The following RGN variants were observed in gnomAD, a reference collection of about 807,000 sequenced individuals.
RGN encodes the protein epididymis secretory protein Li 41.
RGN carries 19 observed loss-of-function variants against 20.6 expected under a neutral mutation model. The observed-to-expected ratio is 0.92, with a 90% CI of 0.64 to 1.35. RGN has a LOEUF of 1.35. Among genes scored for constraint, RGN ranks in the 40% most tolerant of loss-of-function variants. RGN has a pLI of 0.00. For missense variants in RGN, 302 were observed against 232.7 expected, an observed-to-expected ratio of 1.30 and a Z score of -1.94; for synonymous variants, 85 against 87.2, an observed-to-expected ratio of 0.97 and a Z score of 0.14.
chrX:47,086,738 A>G (rs1277298321), intron 4 of RGN, among the ~76,000 whole-genome samples: 1 of 38,038 alleles, frequency 2.6e-5, no homozygotes, highest in East Asian at 5.0e-4. Context: ...ATAACAGGAG[A>G]GAGAGAGAGA....
intron 3 of RGN, among the ~76,000 whole-genome samples, chrX:47,083,973 A>C (rs1292342419): frequency 9.0e-6 from 1 of 110,785 alleles, no homozygotes; most frequent in Non-Finnish European, 1.9e-5. Context: ...GAGATGTCAC[A>C]AAACCTAGTT....
intron 5 of RGN, among the ~76,000 whole-genome samples, chrX:47,090,702 A>G (rs1186156599): frequency 9.2e-6 from 1 of 108,537 alleles, no homozygotes; most frequent in Non-Finnish European, 1.9e-5. Flanking sequence ...TGCAGATTTA[A>G]TCAGAGGCAA....
chrX:47,088,946 AAGAAG>A lies in RGN; in HGVS notation c.347-828_347-824del, dbSNP rs1165891925. On this transcript the variant is annotated intron_variant, in intron 4 of 7. Coordinates refer to ENST00000397180, the MANE Select transcript of RGN (RefSeq NM_152869.4). Reference sequence around the variant, plus strand: ...AACACTCTGCCAAAAAAAAAAAAAAAAGAAGAAGAAGAAGAAGAAGATAGAAGAAG... The same window carrying A: ...AACACTCTGCCAAAAAAAAAAAAAAAAAGAAGAAGAAGAAGATAGAAGAAG... 3.7e-4 allele frequency among the ~76,000 whole-genome samples: 30 copies of A among 81,271 alleles called. 1 individual carries two copies. Among genetic ancestry groups the A allele is most frequent in the African/African-American group, 5.7e-4 (12 of 20,966 alleles). 70.6% of individuals were successfully genotyped at this position (81,271 alleles called of 115,157 possible).
chrX:47,090,928 GAAAGAAA>G (rs1930946538), intron 5 of RGN, among the ~76,000 whole-genome samples: 2 of 32,821 alleles, frequency 6.1e-5, no homozygotes, highest in African/African-American at 1.8e-4. Context: ...AAGAAAGAAA[GAAAGAAA>G]GAAAGAAAGA....
At chrX:47,083,472 G>C (rs5906324) in intron 3 of RGN, among the ~76,000 whole-genome samples, 46,519 of 110,633 alleles carry the variant, frequency 0.42, 7,859 homozygotes, top group East Asian at 0.73. Context: ...AACATAAAAT[G>C]TAGTAATATA....
intron 1 of RGN, among the ~76,000 whole-genome samples, chrX:47,079,215 C>T (rs1556380237): frequency 1.8e-5 from 2 of 110,028 alleles, no homozygotes; most frequent in African/African-American, 6.6e-5. Context: ...CCACCTCAGC[C>T]TCCCAAAGTG....
intron 5 of RGN, among the ~76,000 whole-genome samples, chrX:47,090,915 GGAAAGAAAGAAAGAAAGAAAGA>G (rs1930936210): frequency 3.9e-5 from 2 of 51,893 alleles, no homozygotes; most frequent in African/African-American, 1.9e-4. Context: ...GAAAGAAGAA[GGAAAGAAAGAAAGAAAGAAAGA>G]AAGAAAGAAA....
rs112603094 is a variant in RGN, at chrX:47,083,625, C to T, written c.164-793C>T. On this transcript the variant is annotated intron_variant, in intron 3 of 7. Coordinates refer to ENST00000397180, the MANE Select transcript of RGN (RefSeq NM_152869.4). The stretch of plus-strand genomic sequence containing the variant: ...ATAGGGCCCCTTAGAAAAGACGAAT[C>T]CTGGGCCTGGCGTGGTGGCTCACGC... 2.3e-3 allele frequency among the ~76,000 whole-genome samples: 260 copies of T among 111,556 alleles called. 1 individual carries two copies. The highest frequency in any genetic ancestry group is 0.019 in the Middle Eastern group (4 of 214).
Position 47,086,734 on chromosome X carries a change from G to GGAGAGAGAGAGA in RGN, c.346+2173_346+2184dup, listed in dbSNP as rs781935920. On this transcript the variant is annotated intron_variant, in intron 4 of 7. Coordinates refer to ENST00000397180, the MANE Select transcript of RGN (RefSeq NM_152869.4). ...GCTGCCCCTAGAACCAGTGATAACA[G>GGAGAGAGAGAGA]GAGAGAGAGAGAGAGAGAGAGAGAG... 1.6e-3 allele frequency among the ~76,000 whole-genome samples: 82 copies of GGAGAGAGAGAGA among 50,480 alleles called. 4 individuals are homozygous for GGAGAGAGAGAGA. The highest frequency in any genetic ancestry group is 6.0e-3 in the East Asian group (8 of 1,324). The allele number at this position is 50,480 out of a possible 115,157, so 43.8% of individuals were successfully genotyped here.
At position 47,081,190 on chromosome X, in the gene RGN, T is replaced by C; in HGVS notation, c.46T>C (p.Cys16Arg). The part of the protein sequence containing the change: ...IECVLPENCR[C>R]GESPVWEEVS... ...GTGTGTTTTGCCAGAGAACTGCCGGTGTGGTGAGTCTCCAGTATGGGAGGA... is the reference window on the plus strand; with the variant it reads ...GTGTGTTTTGCCAGAGAACTGCCGGCGTGGTGAGTCTCCAGTATGGGAGGA... Residue 16 changes from cysteine (C) to arginine (R), a missense_variant, in exon 3 of 8, where the codon TGT becomes CGT. Physicochemically the swap from Cys to Arg is radical, Grantham distance 180. Transcript: ENST00000397180. 1 of 1,204,310 alleles carries C rather than the reference T, an allele frequency of 8.3e-7. No homozygotes were observed. The highest frequency in any genetic ancestry group is 1.1e-6 in the Non-Finnish European group (1 of 888,655).
chrX:47,089,707 A>C (rs1930842302), intron 4 of RGN, 69 bp from the exon 5 acceptor site: 2 of 800,827 alleles, frequency 2.5e-6, no homozygotes, highest in African/African-American at 2.1e-5. Context: ...ATCCCTGGTG[A>C]GAAAGGATGG....
chrX:47,088,672 C>T (rs1171361132), intron 4 of RGN, among the ~76,000 whole-genome samples: 1 of 109,827 alleles, frequency 9.1e-6, no homozygotes, highest in African/African-American at 3.3e-5. Flanking sequence ...TGGCTCAAGC[C>T]TATAATCCCA....
chrX:47,091,815 C>T lies in RGN; in HGVS notation c.694+6C>T. On this transcript the variant is annotated splice_donor_region_variant and intron_variant, in intron 6 of 7. Transcript: ENST00000397180. The stretch of plus-strand genomic sequence containing the variant: ...TCGTTTAGATCCTGTGACAGGTAGG[C>T]CTGCAGCAAAATGAAAAATCCTTGT... 1.7e-6 allele frequency: 2 copies of T among 1,201,041 alleles called. No homozygotes were observed. The highest frequency in any genetic ancestry group is 2.2e-6 in the Non-Finnish European group (2 of 892,139).
intron 4 of RGN, among the ~76,000 whole-genome samples, chrX:47,086,495 G>A (rs1040865035): frequency 9.0e-6 from 1 of 110,954 alleles, no homozygotes; most frequent in African/African-American, 3.3e-5. Flanking sequence ...GTTTCTGAAG[G>A]TCAAGAATCT....
At chrX:47,090,978 AAG>A (rs1556387608) in intron 5 of RGN, among the ~76,000 whole-genome samples, 1 of 105,830 alleles carries the variant, frequency 9.4e-6, no homozygotes, top group African/African-American at 3.4e-5. Flanking sequence ...GAAAGAAAGA[AAG>A]AAAGATGTAG....
chrX:47,090,969 A>AAAG (rs1556387592), intron 5 of RGN, among the ~76,000 whole-genome samples: 6 of 108,322 alleles, frequency 5.5e-5, no homozygotes, highest in East Asian at 5.8e-4. Flanking sequence ...AGAAAGAAAG[A>AAAG]AAGAAAGAAA....
chrX:47,078,789 G>C (rs1241665922), intron 1 of RGN, 80 bp downstream of exon 1: 3 of 109,696 alleles, frequency 2.7e-5, no homozygotes, highest in Non-Finnish European at 5.7e-5. Context: ...GTCACGGGCC[G>C]GGCCTAAATG....
In RGN at chrX:47,093,168, G is replaced by T; in HGVS notation, c.*221G>T. 1 of 379,155 alleles carries T rather than the reference G, an allele frequency of 2.6e-6. No homozygotes were observed. The allele number at this position is 379,155 out of a possible 1,213,427, so 31.2% of individuals were successfully genotyped here. On this transcript the variant is annotated 3_prime_UTR_variant, in exon 8 of 8. Coordinates refer to ENST00000397180, the MANE Select transcript of RGN (RefSeq NM_152869.4). ...TTTCTGTAAAAGGTACTATAGAAGG[G>T]CGAAGAATCGTTCAACTGTCAATCA...
chrX:47,083,779 G>T (rs373435902), intron 3 of RGN, among the ~76,000 whole-genome samples: 15 of 110,268 alleles, frequency 1.4e-4, no homozygotes, highest in Admixed American at 1.1e-3. Context: ...GCTAGGCGTG[G>T]TGCATGCCTG....
Sources: allele counts gnomAD v4.1 joint callset (sites outside exome capture counted in the v4.1 genomes callset), GRCh38; gene constraint gnomAD v4.1.1; transcripts MANE v1.5; gene names NCBI Gene and HGNC (gene_info 2026-07-23, HGNC 2026-07-21).